Variants in FBXL12 observed in about 807,000 individuals in gnomAD.
FBXL12 encodes F-box and leucine rich repeat protein 12, also known as F-box/LRR-repeat protein 12.
In FBXL12, 22 loss-of-function variants were observed where a neutral mutation model predicts 24.9. The ratio of observed to expected loss-of-function variants is 0.88; its 90% CI spans 0.63 to 1.26. FBXL12 has a LOEUF of 1.26. Ranked by LOEUF, FBXL12 falls within the 50% of genes most tolerant of loss-of-function variation. The pLI is 0.00. For missense variants in FBXL12, 384 were observed against 434.1 expected, an observed-to-expected ratio of 0.88 and a Z score of 1.03; for synonymous variants, 193 against 193.8, an observed-to-expected ratio of 1.00 and a Z score of 0.03.
At chr19:9,813,740 G>A (rs1447623866) in intron 2 of FBXL12, among the ~76,000 whole-genome samples, 2 of 151,920 alleles carry the variant, frequency 1.3e-5, no homozygotes, top group African/African-American at 4.8e-5. Context: ...TCCTGACCTC[G>A]TGATCCAACC....
intron 2 of FBXL12, chr19:9,813,533 G>A (rs1325721908): frequency 2.2e-5 from 4 of 184,678 alleles, no homozygotes; most frequent in African/African-American, 5.5e-5. Flanking sequence ...ACAGAGTCTC[G>A]CTCTGTTGCC....
rs201888773 is a variant in FBXL12, at chr19:9,811,269, T to C, written c.608A>G (p.Tyr203Cys). The change falls in exon 3 of 3, where the codon TAT becomes TGT. Residue 203 changes from tyrosine to cysteine, a missense_variant. By Grantham distance (194) the Tyr-to-Cys change is radical. Transcript: ENST00000247977. The surrounding 1 kb of genome is among the most constrained non-coding windows in gnomAD (Gnocchi z 6.0). ...GCCCAGCACCTCAAGCCTCTGCAGA[T>C]AGCTGAGCTCCTGCAGGCCAGCATC... ...GLDAGLQELS[Y>C]LQRLEVLGCT... The C allele has an allele frequency of 3.1e-6, 5 of 1,611,212 alleles. No individual in the cohort carries two copies. The Admixed American group carries it at 6.7e-5, about 21-fold the overall frequency.
At chr19:9,812,901 C>G (rs1214905807) in intron 2 of FBXL12, among the ~76,000 whole-genome samples, 4 of 151,954 alleles carry the variant, frequency 2.6e-5, no homozygotes, top group Admixed American at 2.6e-4. Context: ...TGGAGAAACC[C>G]CGTCTCTACT....
In FBXL12 at chr19:9,811,976, C is replaced by G. The variant is rs544164436; in HGVS notation, c.160-259G>C. ...CTGAGACAGGTTCTTGCTCTGTCACCCAGTCTACAGTGCAGTGGTGAGATA... is the reference window on the plus strand; with the variant it reads ...CTGAGACAGGTTCTTGCTCTGTCACGCAGTCTACAGTGCAGTGGTGAGATA... On this transcript the variant is annotated intron_variant, in intron 2 of 2. Coordinates refer to ENST00000247977, the MANE Select transcript of FBXL12 (RefSeq NM_017703.3). The surrounding 1 kb of genome is among the most constrained non-coding windows in gnomAD (Gnocchi z 6.0). Among the ~76,000 whole-genome samples the G allele has an allele frequency of 9.9e-5, 15 of 151,360 alleles. No individual in the cohort carries two copies. Among genetic ancestry groups the G allele is most frequent in the Non-Finnish European group, 2.1e-4 (14 of 67,870 alleles).
intron 2 of FBXL12, among the ~76,000 whole-genome samples, chr19:9,816,324 T>A (rs1289205737): frequency 1.3e-5 from 2 of 152,194 alleles, no homozygotes; most frequent in African/African-American, 4.8e-5. Context: ...TATCACATAG[T>A]CAGGCTACAA....
intron 2 of FBXL12, among the ~76,000 whole-genome samples, chr19:9,815,926 G>A (rs2045873057): frequency 6.6e-6 from 1 of 152,212 alleles, no homozygotes; most frequent in Admixed American, 6.5e-5. Flanking sequence ...TGGGATTATA[G>A]GCGTGAGCCA....
At chr19:9,814,806 G>A (rs1005539195) in intron 2 of FBXL12, 2 of 152,038 alleles carry the variant, frequency 1.3e-5, no homozygotes, top group African/African-American at 4.8e-5. Flanking sequence ...AGAATAGCAT[G>A]GGAAAGACCA....
intron 2 of FBXL12, among the ~76,000 whole-genome samples, chr19:9,812,759 T>TAAAAAAAAAAAAAA (rs35525468): frequency 8.7e-6 from 1 of 114,468 alleles, no homozygotes; most frequent in Non-Finnish European, 1.8e-5. Context: ...AGGTCTATGT[T>TAAAAAAAAAAAAAA]AAAAAAAAAA....
rs953815785 is a variant in FBXL12 at position 9,811,429 on chromosome 19, G to C, written c.448C>G (p.Leu150Val). The change falls in exon 3 of 3, where the codon CTG becomes GTG. Residue 150 changes from leucine to valine, a missense_variant. Physicochemically the swap from Leu to Val is conservative, Grantham distance 32. Transcript: ENST00000247977. This position sits in a 1 kb window ranked among gnomAD's most constrained non-coding sequence, Gnocchi z 6.0. ...AGCACGATGCATTCAAGCAGGGGCA[G>C]CACGGTGGGGTCCTGCTGCTTGTGG... ...WLHKQQDPTV[L>V]PLLECIVLDR... 2 of 1,613,644 alleles carry C rather than the reference G, an allele frequency of 1.2e-6. No individual in the cohort carries two copies. Among genetic ancestry groups the C allele is most frequent in the Non-Finnish European group, 1.7e-6 (2 of 1,179,980 alleles).
In FBXL12 at chr19:9,819,056, T is replaced by C. The variant is rs2045947184; in HGVS notation, c.-243A>G. 3.5e-6 allele frequency: 2 copies of C among 564,832 alleles called. No homozygotes were observed. The highest frequency in any genetic ancestry group is 3.0e-5 in the East Asian group (1 of 33,704). 35.0% of individuals were successfully genotyped at this position (564,832 alleles called of 1,614,324 possible). On this transcript the variant is annotated 5_prime_UTR_variant, in exon 1 of 3. Transcript: ENST00000247977. Reference sequence around the variant, plus strand: ...TGCGGGAGGTGGCTGAGGCGTGATTTGGCCGCGACTGGGAACTAAGACCAA... The same window carrying C: ...TGCGGGAGGTGGCTGAGGCGTGATTCGGCCGCGACTGGGAACTAAGACCAA...
chr19:9,818,086 C>T (rs543125022), intron 2 of FBXL12: 8 of 378,542 alleles, frequency 2.1e-5, no homozygotes, highest in African/African-American at 1.7e-4. Context: ...GTGGCGAGCG[C>T]CCGTGGTTCC....
intron 2 of FBXL12, among the ~76,000 whole-genome samples, chr19:9,815,684 C>T (rs1040585790): frequency 8.2e-5 from 12 of 146,234 alleles, no homozygotes; most frequent in Middle Eastern, 7.1e-3. Context: ...GATGGAGTTT[C>T]GCTCTTGTCA....
chr19:9,812,530 C>CAAAAA (rs374538314), intron 2 of FBXL12, among the ~76,000 whole-genome samples: 5 of 32,556 alleles, frequency 1.5e-4, no homozygotes, highest in South Asian at 1.2e-3. Flanking sequence ...GACTCTGTCT[C>CAAAAA]AAAAAAAAAA....
At chr19:9,812,844 C>T (rs961000560) in intron 2 of FBXL12, among the ~76,000 whole-genome samples, 5 of 151,162 alleles carry the variant, frequency 3.3e-5, no homozygotes, top group Admixed American at 6.6e-5. Context: ...GAGGCCAAGG[C>T]GGGCAGATCA....
intron 2 of FBXL12, among the ~76,000 whole-genome samples, chr19:9,812,733 C>T (rs1470867148): frequency 1.4e-5 from 2 of 142,952 alleles, no homozygotes; most frequent in Admixed American, 1.4e-4. Flanking sequence ...AAGCCGAAAA[C>T]TACCCAGAGT....
chr19:9,811,657 G>A lies in FBXL12; in HGVS notation c.220C>T (p.Leu74=), dbSNP rs779950965. ...RRYMASRLHS[L]RMGGYLFSGS... ...GAGAACAGGTAGCCACCCATCCGCAGGGAATGGAGCCGGGATGCCATGTAC... is the reference window on the plus strand; with the variant it reads ...GAGAACAGGTAGCCACCCATCCGCAAGGAATGGAGCCGGGATGCCATGTAC... Residue 74 remains leucine, a synonymous_variant, in exon 3 of 3, where the codon CTG becomes TTG. Coordinates refer to ENST00000247977, the MANE Select transcript of FBXL12 (RefSeq NM_017703.3). This position sits in a 1 kb window ranked among gnomAD's most constrained non-coding sequence, Gnocchi z 6.0. The A allele has an allele frequency of 5.9e-6, 9 of 1,521,464 alleles. No individual in the cohort carries two copies. The highest frequency in any genetic ancestry group is 7.0e-6 in the Non-Finnish European group (8 of 1,134,946). The allele number at this position is 1,521,464 out of a possible 1,614,324, so 94.2% of individuals were successfully genotyped here.
intron 2 of FBXL12, among the ~76,000 whole-genome samples, chr19:9,816,795 C>CA (rs759891400): frequency 1.3e-5 from 2 of 152,156 alleles, no homozygotes; most frequent in African/African-American, 2.4e-5. Context: ...TACCAATTTA[C>CA]AGTATTAGTC....
At chr19:9,813,202 T>A in intron 2 of FBXL12, 1 of 1,213,632 alleles carries the variant, frequency 8.2e-7, no homozygotes, top group Non-Finnish European at 1.0e-6. Context: ...GTACAGTTTA[T>A]CTTAAAAAGA....
At chr19:9,816,512 C>T (rs1251757386) in intron 2 of FBXL12, among the ~76,000 whole-genome samples, 2 of 152,234 alleles carry the variant, frequency 1.3e-5, no homozygotes, top group East Asian at 1.9e-4. Context: ...CCATCAGTCT[C>T]TCTGCTAAAA....
Sources: allele counts gnomAD v4.1 joint callset (sites outside exome capture counted in the v4.1 genomes callset), GRCh38; gene constraint gnomAD v4.1.1; non-coding constraint Gnocchi (gnomAD v3.1); transcripts MANE v1.5; gene names NCBI Gene and HGNC (gene_info 2026-07-23, HGNC 2026-07-21).